Variants in TNXB observed in about 807,000 individuals in gnomAD.
TNXB encodes tenascin XB.
A neutral mutation model predicts 340.5 loss-of-function variants in TNXB; 183 were observed. The ratio of observed to expected loss-of-function variants is 0.54; its 90% CI spans 0.48 to 0.61. The LOEUF is 0.61. Among genes scored for constraint, TNXB ranks in the 20% least tolerant of loss-of-function variants. TNXB has a pLI of 0.00. For missense variants in TNXB, 4,613 were observed against 5,446.4 expected (o/e 0.85, Z 4.82); for synonymous variants, 2,121 against 2,314.5 (o/e 0.92, Z 2.40).
chr6:32,061,799 C>G lies in TNXB; in HGVS notation c.7169-79G>C. 3.9e-6 allele frequency: 6 copies of G among 1,543,606 alleles called. No individual in the cohort carries two copies. Among genetic ancestry groups the G allele is most frequent in the Non-Finnish European group, 4.4e-6 (5 of 1,138,080 alleles). ...GTCGTGGGGAAAAGGAGGGAGAAGG[C>G]TATGACTAGGGGACATATGAAATAG... On this transcript the variant is annotated intron_variant, in intron 20 of 43. Coordinates refer to ENST00000644971, the MANE Select transcript of TNXB (RefSeq NM_001365276.2). The surrounding 1 kb of genome is among the most constrained non-coding windows in gnomAD (Gnocchi z 4.4).
rs969446533 is a variant in TNXB at position 32,084,739 on chromosome 6, A to G, written c.3149-30T>C. 6.6e-7 allele frequency: 1 copy of G among 1,519,630 alleles called. No individual in the cohort carries two copies. Among genetic ancestry groups the G allele is most frequent in the Non-Finnish European group, 8.8e-7 (1 of 1,130,148 alleles). 94.1% of individuals were successfully genotyped at this position (1,519,630 alleles called of 1,614,324 possible). The stretch of plus-strand genomic sequence containing the variant: ...AGTTTGAGAGGCAAAAGCAAAGCAT[A>G]GTGGACTCAACCGTTCTCTTGTCTG... On this transcript the variant is annotated intron_variant, in intron 7 of 43. Transcript: ENST00000644971. This position sits in a 1 kb window ranked among gnomAD's most constrained non-coding sequence, Gnocchi z 5.5.
At position 32,097,155 on chromosome 6, in the gene TNXB, C is replaced by A; in HGVS notation, c.698G>T (p.Cys233Phe). 1 of 1,600,960 alleles carries A rather than the reference C, an allele frequency of 6.2e-7. No individual in the cohort carries two copies. The change falls in exon 3 of 44, where the codon TGT becomes TTT. Residue 233 changes from cysteine to phenylalanine, a missense_variant. Around this residue, in one of 7 missense-constraint regions of TNXB, gnomAD observed 4,327 missense variants for 4,859.4 expected, o/e 0.89. Coordinates refer to ENST00000644971, the MANE Select transcript of TNXB (RefSeq NM_001365276.2). The surrounding 1 kb of genome is among the most constrained non-coding windows in gnomAD (Gnocchi z 5.9). ...QGRGRCVQGVCVCRAGFSGPD... is the reference protein window; with the variant it reads ...QGRGRCVQGVFVCRAGFSGPD... ...GCCTGAGAAGCCTGCCCGGCACACA[C>A]ACACGCCCTGCACGCAGCGCCCACG... is the stretch of plus-strand genomic sequence containing the variant.
In TNXB at chr6:32,072,398, G is replaced by T; in HGVS notation, c.4682-100C>A. 1 of 976,126 alleles carries T rather than the reference G, an allele frequency of 1.0e-6. No homozygotes were observed. Among genetic ancestry groups the T allele is most frequent in the Non-Finnish European group, 1.4e-6 (1 of 693,922 alleles). The allele number at this position is 976,126 out of a possible 1,614,324, so 60.5% of individuals were successfully genotyped here. On this transcript the variant is annotated intron_variant, in intron 12 of 43. Transcript: ENST00000644971. The surrounding 1 kb of genome is among the most constrained non-coding windows in gnomAD (Gnocchi z 4.4). ...GGGCTGTGAACTGAGATGGGGAATA[G>T]TTACACCTTTACTTCCAGACCTCTA...
rs1167020412 is a variant in TNXB at position 32,084,005 on chromosome 6, C to T, written c.3445+408G>A. On this transcript the variant is annotated intron_variant, in intron 8 of 43. Transcript: ENST00000644971. The surrounding 1 kb of genome is among the most constrained non-coding windows in gnomAD (Gnocchi z 5.5). Reference sequence around the variant, plus strand: ...CTTCTCCAGCTAGTCTCAGCAGCCACCCGGTTATTTGCAAGATAAATATCT... The same window carrying T: ...CTTCTCCAGCTAGTCTCAGCAGCCATCCGGTTATTTGCAAGATAAATATCT... Among the ~76,000 whole-genome samples the T allele has an allele frequency of 1.3e-5, 2 of 152,192 alleles. No individual in the cohort carries two copies. Among genetic ancestry groups the T allele is most frequent in the Non-Finnish European group, 2.9e-5 (2 of 68,034 alleles).
In TNXB at chr6:32,079,956, G is replaced by C. The variant is rs1435863133; in HGVS notation, c.4043-591C>G. Among the ~76,000 whole-genome samples, 4 of 152,230 alleles carry C rather than the reference G, an allele frequency of 2.6e-5. No homozygotes were observed. The highest frequency in any genetic ancestry group is 9.6e-5 in the African/African-American group (4 of 41,454). ...ACCCGCCCCCTACAGTTAGGTCTCTGCTGAGGCTCCATGGAGTGGGGAGAC... is the reference window on the plus strand; with the variant it reads ...ACCCGCCCCCTACAGTTAGGTCTCTCCTGAGGCTCCATGGAGTGGGGAGAC... On this transcript the variant is annotated intron_variant, in intron 10 of 43. Transcript: ENST00000644971. This position sits in a 1 kb window ranked among gnomAD's most constrained non-coding sequence, Gnocchi z 7.1.
At position 32,056,539 on chromosome 6, in the gene TNXB, G is replaced by A. The variant is rs1777655640; in HGVS notation, c.8143+47C>T. On this transcript the variant is annotated intron_variant, in intron 23 of 43. Coordinates refer to ENST00000644971, the MANE Select transcript of TNXB (RefSeq NM_001365276.2). ...CCAGTCATCACCAAAGAGCAAGAGG[G>A]TGACCCTCCCACGGCTCCCACCCTG... The A allele has an allele frequency of 2.5e-6, 4 of 1,599,216 alleles. No homozygotes were observed. In the South Asian group the frequency reaches 3.4e-5, roughly 13 times the overall value.
rs890564605 is a variant in TNXB, at chr6:32,075,572, C to G, written c.4376-1620G>C. Among the ~76,000 whole-genome samples the G allele has an allele frequency of 1.3e-5, 2 of 152,236 alleles. No individual in the cohort carries two copies. Among genetic ancestry groups the G allele is most frequent in the Non-Finnish European group, 2.9e-5 (2 of 68,036 alleles). ...CCTACTAGGCTCTGCTTTTCCCCAC[C>G]ACTCATCACTGTCACATCCGGTGCC... On this transcript the variant is annotated intron_variant, in intron 11 of 43. Transcript: ENST00000644971. The surrounding 1 kb of genome is among the most constrained non-coding windows in gnomAD (Gnocchi z 4.6).
Position 32,097,598 on chromosome 6 carries a change from G to A in TNXB, c.404-149C>T. 1 of 1,142,626 alleles carries A rather than the reference G, an allele frequency of 8.8e-7. No homozygotes were observed. The highest frequency in any genetic ancestry group is 1.2e-6 in the Non-Finnish European group (1 of 829,460). 70.8% of individuals were successfully genotyped at this position (1,142,626 alleles called of 1,614,324 possible). A position where few individuals can be genotyped will look rare whatever the true frequency, so the allele number is the denominator to read the frequency against. ...CCAGTTGCTAGTATGTGTAATGTAT[G>A]CAGCCTCTCAGGGCCCTCGCATATG... On this transcript the variant is annotated intron_variant, in intron 2 of 43. Coordinates refer to ENST00000644971, the MANE Select transcript of TNXB (RefSeq NM_001365276.2). This position sits in a 1 kb window ranked among gnomAD's most constrained non-coding sequence, Gnocchi z 5.9.
At position 32,095,647 on chromosome 6, in the gene TNXB, A is replaced by C; in HGVS notation, c.2206T>G (p.Cys736Gly). 6.2e-7 allele frequency: 1 copy of C among 1,613,890 alleles called. No individual in the cohort carries two copies. Among genetic ancestry groups the C allele is most frequent in the Non-Finnish European group, 8.5e-7 (1 of 1,179,800 alleles). Residue 736 changes from cysteine (C) to glycine (G), a missense_variant, in exon 3 of 44, where the codon TGC (cysteine) becomes GGC (glycine). Coordinates refer to ENST00000644971, the MANE Select transcript of TNXB (RefSeq NM_001365276.2). ...TCTTCGCCAGCATACCCATCTTTGC[A>C]GACACAGCTGCCATCGTGACACTCT... ...RGECHDGSCVCKDGYAGEDCG... is the reference protein window; with the variant it reads ...RGECHDGSCVGKDGYAGEDCG...
chr6:32,064,930 C>T lies in TNXB; in HGVS notation c.6732G>A (p.Glu2244=), dbSNP rs1415891106. ...QPKAVRVPGH[E]DGVTISGLEP... Reference sequence around the variant, plus strand: ...CCAGGCCCGAGATGGTGACCCCATCCTCGTGTCCCGGCACCCGCACCGCCT... The same window carrying T: ...CCAGGCCCGAGATGGTGACCCCATCTTCGTGTCCCGGCACCCGCACCGCCT... Residue 2244 remains glutamate (E), a synonymous_variant, in exon 19 of 44, where the codon GAG becomes GAA. Transcript: ENST00000644971. This position sits in a 1 kb window ranked among gnomAD's most constrained non-coding sequence, Gnocchi z 5.3. The T allele has an allele frequency of 6.2e-7, 1 of 1,612,854 alleles. No individual in the cohort carries two copies. The highest frequency in any genetic ancestry group is 1.1e-5 in the South Asian group (1 of 91,080).
At position 32,082,034 on chromosome 6, in the gene TNXB, A is replaced by G. The variant is rs56260633; in HGVS notation, c.3736+2T>C. 3 of 1,600,190 alleles carry G rather than the reference A, an allele frequency of 1.9e-6. No individual in the cohort carries two copies. The highest frequency in any genetic ancestry group is 2.6e-6 in the Non-Finnish European group (3 of 1,173,838). On this transcript the variant is annotated splice_donor_variant, in intron 9 of 43. Coordinates refer to ENST00000644971, the MANE Select transcript of TNXB (RefSeq NM_001365276.2). LOFTEE classifies it high-confidence loss of function. The surrounding 1 kb of genome is among the most constrained non-coding windows in gnomAD (Gnocchi z 5.0). ...ATGGGGGCTGAGGTGGCTGCTACTC[A>G]CCAGTGGTGCCATCGGCCGTGAGGG...
In TNXB at chr6:32,096,813, C is replaced by T; in HGVS notation, c.1040G>A (p.Gly347Asp). ...CGTRSCPWDC[G>D]EGGRCVDGRC... ...GCCGTCCACGCAGCGCCCGCCCTCG[C>T]CACAGTCCCAGGGGCAGCTCCGCGT... Residue 347 changes from glycine (G) to aspartate (D), a missense_variant, in exon 3 of 44, where the codon GGC becomes GAC. Gly to Asp is a moderately conservative substitution (Grantham distance 94). This residue lies in a region of TNXB where 4,327 missense variants were observed against 4,859.4 expected (regional missense o/e 0.89). Coordinates refer to ENST00000644971, the MANE Select transcript of TNXB (RefSeq NM_001365276.2). The T allele has an allele frequency of 6.3e-7, 1 of 1,595,868 alleles. No homozygotes were observed. The highest frequency in any genetic ancestry group is 8.5e-7 in the Non-Finnish European group (1 of 1,172,346).
chr6:32,050,723 C>T (rs1296192369), intron 26 of TNXB, among the ~76,000 whole-genome samples: 2 of 152,118 alleles, frequency 1.3e-5, no homozygotes, highest in Admixed American at 1.3e-4. Context: ...TGTTCCTGGA[C>T]CCAGCCCCTC....
chr6:32,047,674 G>C lies in TNXB; in HGVS notation c.10324+60C>G. Reference sequence around the variant, plus strand: ...ATCTCACGGGAAGGCTGCAGGGCCAGCTCTGAGGGCTCGGATGAGAGGCAG... The same window carrying C: ...ATCTCACGGGAAGGCTGCAGGGCCACCTCTGAGGGCTCGGATGAGAGGCAG... On this transcript the variant is annotated intron_variant, in intron 30 of 43. Coordinates refer to ENST00000644971, the MANE Select transcript of TNXB (RefSeq NM_001365276.2). The surrounding 1 kb of genome is among the most constrained non-coding windows in gnomAD (Gnocchi z 6.2). The C allele has an allele frequency of 6.6e-7, 1 of 1,521,984 alleles. No individual in the cohort carries two copies. Among genetic ancestry groups the C allele is most frequent in the Non-Finnish European group, 8.8e-7 (1 of 1,135,554 alleles). The allele number at this position is 1,521,984 out of a possible 1,614,324, so 94.3% of individuals were successfully genotyped here. A position where few individuals can be genotyped will look rare whatever the true frequency, so the allele number is the denominator to read the frequency against.
chr6:32,043,999 G>A lies in TNXB; in HGVS notation c.11386+8C>T. The A allele has an allele frequency of 6.2e-7, 1 of 1,600,930 alleles. No homozygotes were observed. Among genetic ancestry groups the A allele is most frequent in the Non-Finnish European group, 8.5e-7 (1 of 1,174,432 alleles). On this transcript the variant is annotated splice_region_variant and intron_variant, in intron 34 of 43. Coordinates refer to ENST00000644971, the MANE Select transcript of TNXB (RefSeq NM_001365276.2). ...TGCGAGGCGATGAGCACATGGCAAA[G>A]GCACCACCTCCGTCCGCCAGCTGGT...
rs934618096 is a variant in TNXB at position 32,062,505 on chromosome 6, G to C, written c.6842-22C>G. The stretch of plus-strand genomic sequence containing the variant: ...GGGGCTGCATCAGAAAATAGAATGG[G>C]TGGGCATGCCTGGTGGGCCTCCTTT... On this transcript the variant is annotated intron_variant, in intron 19 of 43. Transcript: ENST00000644971. The surrounding 1 kb of genome is among the most constrained non-coding windows in gnomAD (Gnocchi z 4.3). The C allele has an allele frequency of 2.5e-6, 4 of 1,570,972 alleles. No individual in the cohort carries two copies. In the African/African-American group the frequency reaches 5.4e-5, roughly 21 times the overall value.
rs1356556542 is a variant in TNXB at position 32,046,887 on chromosome 6, G to A, written c.10325-431C>T. On this transcript the variant is annotated intron_variant, in intron 30 of 43. Transcript: ENST00000644971. This position sits in a 1 kb window ranked among gnomAD's most constrained non-coding sequence, Gnocchi z 6.9. ...ACATCGAGAGCTGGTCTGGGCAGCCGGCCAATGCACGGCTCCCATCACTGC... is the reference window on the plus strand; with the variant it reads ...ACATCGAGAGCTGGTCTGGGCAGCCAGCCAATGCACGGCTCCCATCACTGC... Among the ~76,000 whole-genome samples the A allele has an allele frequency of 2.6e-5, 4 of 152,200 alleles. No individual in the cohort carries two copies. Among genetic ancestry groups the A allele is most frequent in the Admixed American group, 6.5e-5 (1 of 15,282 alleles).
At chr6:32,077,057 G>C (rs9267798) in intron 11 of TNXB, among the ~76,000 whole-genome samples, 12,489 of 152,278 alleles carry the variant, frequency 0.082, 633 homozygotes, top group East Asian at 0.18. Flanking sequence ...AACTCAGTTT[G>C]TCAGATTCCC....
intron 18 of TNXB, among the ~76,000 whole-genome samples, chr6:32,065,801 T>A (rs1778305294): frequency 6.6e-6 from 1 of 151,890 alleles, no homozygotes; most frequent in African/African-American, 2.4e-5. Flanking sequence ...TTGTACTTTT[T>A]AAAATTTATT....
Sources: gnomAD v4.1 joint callset for allele counts (sites outside exome capture counted in the v4.1 genomes callset) on GRCh38, gnomAD v4.1.1 for gene constraint, gnomAD v4.1.1 regional missense constraint, Gnocchi (gnomAD v3.1) non-coding constraint, MANE v1.5 for transcripts, NCBI Gene and HGNC (gene_info 2026-07-23, HGNC 2026-07-21) for gene names.